The following SLC5A10 variants were observed in gnomAD, a reference collection of about 807,000 sequenced individuals.
SLC5A10 encodes sodium/mannose cotransporter SLC5A10.
In SLC5A10, 55 loss-of-function variants were observed where a neutral mutation model predicts 68.9. The ratio of observed to expected loss-of-function variants is 0.80; its 90% CI spans 0.64 to 1.00. The LOEUF (loss-of-function observed/expected upper bound fraction) is 1.00. SLC5A10 is among the 50% of genes least tolerant of loss of function. The pLI, the probability that SLC5A10 is intolerant of heterozygous loss-of-function variation, is 0.00. For synonymous variants in SLC5A10, 344 were observed against 344.8 expected, an observed-to-expected ratio of 1.00 and a Z score of 0.02; for missense variants, 732 against 819.3, an observed-to-expected ratio of 0.89 and a Z score of 1.30.
chr17:18,974,112 C>T (rs1036010554), intron 8 of SLC5A10, among the ~76,000 whole-genome samples: 4 of 151,802 alleles, frequency 2.6e-5, no homozygotes, highest in Non-Finnish European at 5.9e-5. Flanking sequence ...AGGCTGGTCT[C>T]GAACTCCTGA....
chr17:18,983,366 A>G (rs1049668282), intron 9 of SLC5A10, among the ~76,000 whole-genome samples: 18 of 152,234 alleles, frequency 1.2e-4, no homozygotes, highest in African/African-American at 4.3e-4. Context: ...CCAGTGAGCC[A>G]TGTAGGCAGC....
rs541102407 is a variant in SLC5A10 at position 19,000,795 on chromosome 17, G to A, written c.983-12615G>A. On this transcript the variant is annotated intron_variant, in intron 9 of 14. Coordinates refer to ENST00000395645, the MANE Select transcript of SLC5A10 (RefSeq NM_001042450.4). The surrounding 1 kb of genome is among the most constrained non-coding windows in gnomAD (Gnocchi z 5.2). ...GGAGGTGGAAGCATGGGCACGAGAGGTGATTCATGGGGAGAGATAAGGCAG... is the reference window on the plus strand; with the variant it reads ...GGAGGTGGAAGCATGGGCACGAGAGATGATTCATGGGGAGAGATAAGGCAG... Among the ~76,000 whole-genome samples, 3 of 152,318 alleles carry A rather than the reference G, an allele frequency of 2.0e-5. No homozygotes were observed. The highest frequency in any genetic ancestry group is 3.9e-4 in the East Asian group (2 of 5,174).
At chr17:18,954,787 T>C (rs914011713) in intron 1 of SLC5A10, among the ~76,000 whole-genome samples, 2 of 152,052 alleles carry the variant, frequency 1.3e-5, no homozygotes, top group African/African-American at 4.8e-5. Flanking sequence ...ATATAGGAAA[T>C]GTAGGCCGGG....
chr17:18,987,084 G>A (rs1427738874), intron 9 of SLC5A10, among the ~76,000 whole-genome samples: 2 of 152,176 alleles, frequency 1.3e-5, no homozygotes, highest in Admixed American at 1.3e-4. Context: ...GGAGGGGGTG[G>A]GCGCGCCTGA....
intron 5 of SLC5A10, among the ~76,000 whole-genome samples, chr17:18,962,930 C>T (rs1048469351): frequency 6.6e-6 from 1 of 152,124 alleles, no homozygotes; most frequent in Admixed American, 6.6e-5. Context: ...TCTAGAAAGG[C>T]AGAGGGGGCC....
At chr17:19,015,817 G>A (rs1361555254) in intron 11 of SLC5A10, among the ~76,000 whole-genome samples, 1 of 152,206 alleles carries the variant, frequency 6.6e-6, no homozygotes, top group African/African-American at 2.4e-5. Context: ...GGCCATTACA[G>A]GCCAAGAGAC....
In SLC5A10 at chr17:18,978,043, A is replaced by G. The variant is rs780129182; in HGVS notation, c.982+1054A>G. ...CTGGGCCTGCCATCCTGGGTAGCCT[A>G]TGGTCTGTCCCATTCTGGGGAGCTT... On this transcript the variant is annotated intron_variant, in intron 9 of 14. Transcript: ENST00000395645. 3 of 1,531,818 alleles carry G rather than the reference A, an allele frequency of 2.0e-6. 1 individual carries two copies. The highest frequency in any genetic ancestry group is 2.1e-5 in the Admixed American group (1 of 48,010). The allele number at this position is 1,531,818 out of a possible 1,614,324, so 94.9% of individuals were successfully genotyped here. A position where few individuals can be genotyped will look rare whatever the true frequency, so the allele number is the denominator to read the frequency against.
rs1597920121 is a variant in SLC5A10, at chr17:19,019,499, T to G, written c.1318T>G (p.Phe440Val). ...GCAGGACTCCAACAGCGGGCAACTC[T>G]TCATCTACATGCAGTCAGTGACCAG... ...VLQDSNSGQLFIYMQSVTSSL... is the reference protein window; with the variant it reads ...VLQDSNSGQLVIYMQSVTSSL... Residue 440 changes from phenylalanine (F) to valine (V), a missense_variant, in exon 12 of 15, where the codon TTC (phenylalanine) becomes GTC (valine). By Grantham distance (50) the Phe-to-Val change is conservative (BLOSUM62 -1). Transcript: ENST00000395645. 1.2e-6 allele frequency: 2 copies of G among 1,612,496 alleles called. No individual in the cohort carries two copies. The highest frequency in any genetic ancestry group is 2.7e-5 in the African/African-American group (2 of 75,040).
chr17:19,009,214 G>A (rs540164677), intron 9 of SLC5A10, among the ~76,000 whole-genome samples: 29 of 152,036 alleles, frequency 1.9e-4, no homozygotes, highest in Non-Finnish European at 3.4e-4. Flanking sequence ...GTTTGAGACA[G>A]GGTCTTGCTC....
Position 18,984,332 on chromosome 17 carries a change from CAAAAAAAAA to C in SLC5A10, c.982+7357_982+7365del, listed in dbSNP as rs1176935676. On this transcript the variant is annotated intron_variant, in intron 9 of 14. Coordinates refer to ENST00000395645, the MANE Select transcript of SLC5A10 (RefSeq NM_001042450.4). ...TGGGCGACAGAGCAAGACTCCCTCT[CAAAAAAAAA>C]AAAAAAAAAAAAAGAGAACCCTGCC... 3.6e-3 allele frequency among the ~76,000 whole-genome samples: 247 copies of C among 68,016 alleles called. 2 individuals carry two copies. In the Middle Eastern group the frequency reaches 0.12, roughly 34 times the overall value. 44.6% of individuals were successfully genotyped at this position (68,016 alleles called of 152,430 possible).
intron 9 of SLC5A10, among the ~76,000 whole-genome samples, chr17:18,989,953 C>T (rs571273082): frequency 1.3e-5 from 2 of 152,336 alleles, no homozygotes; most frequent in South Asian, 4.1e-4. Context: ...GTGGTCCCCC[C>T]AGAGCGGACA....
rs1256279596 is a variant in SLC5A10 at position 19,013,395 on chromosome 17, C to A, written c.983-15C>A. ...GTCTATGAGGAGAGACACCAAGTGT[C>A]CGTCTCTCGAACAGATGATGTGGGC... On this transcript the variant is annotated splice_polypyrimidine_tract_variant and intron_variant, in intron 9 of 14. Coordinates refer to ENST00000395645, the MANE Select transcript of SLC5A10 (RefSeq NM_001042450.4). 3 of 1,605,982 alleles carry A rather than the reference C, an allele frequency of 1.9e-6. No individual in the cohort carries two copies. The highest frequency in any genetic ancestry group is 2.6e-6 in the Non-Finnish European group (3 of 1,175,946).
upstream of SLC5A10, chr17:18,952,042 C>A: frequency 8.3e-7 from 1 of 1,201,064 alleles, no homozygotes; most frequent in Non-Finnish European, 1.1e-6. Context: ...GGAAGCTGAA[C>A]TGCATGGTGA....
At chr17:18,984,580 G>A (rs1343886383) in intron 9 of SLC5A10, among the ~76,000 whole-genome samples, 1 of 152,228 alleles carries the variant, frequency 6.6e-6, no homozygotes, top group East Asian at 1.9e-4. Flanking sequence ...ACGGGAAACG[G>A]GTCTGGCCTT....
intron 1 of SLC5A10, 101 bp downstream of exon 1, chr17:18,952,417 C>T (rs1340041845): frequency 1.4e-6 from 2 of 1,408,772 alleles, no homozygotes; most frequent in African/African-American, 1.4e-5. Context: ...AGCATTGGTC[C>T]CAGCTGGTGG....
chr17:18,989,382 C>T (rs1192444334), intron 9 of SLC5A10, among the ~76,000 whole-genome samples: 2 of 152,210 alleles, frequency 1.3e-5, no homozygotes, highest in African/African-American at 4.8e-5. Flanking sequence ...GATGTGTCTG[C>T]ACGCCCCAAA....
chr17:18,983,472 T>C (rs2043188898), intron 9 of SLC5A10, among the ~76,000 whole-genome samples: 1 of 152,220 alleles, frequency 6.6e-6, no homozygotes, highest in South Asian at 2.1e-4. Flanking sequence ...TGGCCATTCC[T>C]AGGTTTATTG....
Position 19,021,849 on chromosome 17 carries a change from G to T in SLC5A10, c.*1418G>T. On this transcript the variant is annotated 3_prime_UTR_variant, in exon 15 of 15. Coordinates refer to ENST00000395645, the MANE Select transcript of SLC5A10 (RefSeq NM_001042450.4). This position sits in a 1 kb window ranked among gnomAD's most constrained non-coding sequence, Gnocchi z 4.1. ...AGTTAGGAGCCCACGTTCAGTCCAA[G>T]GCCGTCCACTGAGCCCCGTGTGACT... is the stretch of plus-strand genomic sequence containing the variant. 8.3e-7 allele frequency: 1 copy of T among 1,198,866 alleles called. No homozygotes were observed. Among genetic ancestry groups the T allele is most frequent in the Non-Finnish European group, 1.1e-6 (1 of 908,470 alleles). 74.3% of individuals were successfully genotyped at this position (1,198,866 alleles called of 1,614,324 possible).
intron 9 of SLC5A10, chr17:18,978,796 G>A: frequency 6.2e-7 from 1 of 1,612,984 alleles, no homozygotes; most frequent in Non-Finnish European, 8.5e-7. Flanking sequence ...CCACCACCTG[G>A]CCAGACAGCA....
Sources: gnomAD v4.1 joint callset for allele counts (sites outside exome capture counted in the v4.1 genomes callset) on GRCh38, gnomAD v4.1.1 for gene constraint, Gnocchi (gnomAD v3.1) non-coding constraint, MANE v1.5 for transcripts, NCBI Gene and HGNC (gene_info 2026-07-23, HGNC 2026-07-21) for gene names.